PRKD1: variants seen among roughly 807,000 people sequenced by gnomAD.
The protein encoded by PRKD1 is serine/threonine-protein kinase D1.
In PRKD1, 63 loss-of-function variants were observed where a neutral mutation model predicts 95.9. The ratio of observed to expected loss-of-function variants is 0.66; its 90% CI spans 0.54 to 0.81. The LOEUF (loss-of-function observed/expected upper bound fraction) is 0.81. Among genes scored for constraint, PRKD1 ranks in the 30% least tolerant of loss-of-function variants. PRKD1 has a pLI of 0.00. For missense variants in PRKD1, 1,048 were observed against 1,165.3 expected, an observed-to-expected ratio of 0.90 and a Z score of 1.47; for synonymous variants, 425 against 423.1, an observed-to-expected ratio of 1.00 and a Z score of -0.05.
chr14:29,656,516 T>A, intron 4 of PRKD1: 1 of 1,535,164 alleles, frequency 6.5e-7, no homozygotes, highest in Non-Finnish European at 8.7e-7. Flanking sequence ...CATGAAGTTG[T>A]AAGAGCAAAA....
chr14:29,804,874 TA>T (rs1466645710), intron 1 of PRKD1, among the ~76,000 whole-genome samples: 2 of 152,158 alleles, frequency 1.3e-5, no homozygotes, highest in African/African-American at 4.8e-5. Context: ...CATTAATCGA[TA>T]ACAATTACAC....
At chr14:29,910,060 C>T (rs1392342905) in intron 1 of PRKD1, among the ~76,000 whole-genome samples, 1 of 152,128 alleles carries the variant, frequency 6.6e-6, no homozygotes, top group African/African-American at 2.4e-5. Flanking sequence ...GCTGGGGTCC[C>T]CTTCCACACT....
chr14:29,676,117 A>C (rs1594418270), intron 2 of PRKD1, among the ~76,000 whole-genome samples: 1 of 151,194 alleles, frequency 6.6e-6, no homozygotes, highest in Non-Finnish European at 1.5e-5. Flanking sequence ...TTAAAGTATA[A>C]TAAAAAATTT....
chr14:29,758,371 C>A (rs532350605), intron 1 of PRKD1, among the ~76,000 whole-genome samples: 1 of 152,034 alleles, frequency 6.6e-6, no homozygotes, highest in African/African-American at 2.4e-5. Flanking sequence ...GCGTTTTGAC[C>A]CAGGACACCC....
chr14:29,853,981 G>T (rs1050949536), intron 1 of PRKD1, among the ~76,000 whole-genome samples: 1 of 152,154 alleles, frequency 6.6e-6, no homozygotes, highest in East Asian at 1.9e-4. Context: ...ATGTAGAACT[G>T]TAAGTCCATT....
intron 1 of PRKD1, among the ~76,000 whole-genome samples, chr14:29,742,581 T>C (rs1415535295): frequency 6.6e-6 from 1 of 152,084 alleles, no homozygotes; most frequent in African/African-American, 2.4e-5. Flanking sequence ...AAATAGCAAG[T>C]TACACTTGAC....
At chr14:29,895,270 TCATGCCA>T (rs916123139) in intron 1 of PRKD1, among the ~76,000 whole-genome samples, 22 of 152,208 alleles carry the variant, frequency 1.4e-4, no homozygotes, top group African/African-American at 4.3e-4. Flanking sequence ...TGAGCCAAGA[TCATGCCA>T]CTGCACCCCA....
intron 1 of PRKD1, among the ~76,000 whole-genome samples, chr14:29,849,985 T>C (rs1892240652): frequency 6.6e-6 from 1 of 152,162 alleles, no homozygotes; most frequent in South Asian, 2.1e-4. Context: ...GAAAACGCTT[T>C]CGAGAGAGTG....
intron 2 of PRKD1, among the ~76,000 whole-genome samples, chr14:29,720,476 A>G (rs560651954): frequency 6.6e-6 from 1 of 152,200 alleles, no homozygotes; most frequent in South Asian, 2.1e-4. Context: ...ATTAAAAAAC[A>G]AACAAAAAAA....
At chr14:29,839,620 G>T (rs1367624200) in intron 1 of PRKD1, among the ~76,000 whole-genome samples, 1 of 152,108 alleles carries the variant, frequency 6.6e-6, no homozygotes, top group African/African-American at 2.4e-5. Flanking sequence ...TACAGCACTA[G>T]CAGAGGTTCT....
chr14:29,860,470 C>CA (rs1224037397), intron 1 of PRKD1, among the ~76,000 whole-genome samples: 1 of 152,032 alleles, frequency 6.6e-6, no homozygotes, highest in African/African-American at 2.4e-5. Context: ...ACCAGCTACT[C>CA]AGAGTTGCTG....
chr14:29,638,201 A>C, intron 6 of PRKD1: 1 of 365,502 alleles, frequency 2.7e-6, no homozygotes, highest in Non-Finnish European at 4.9e-6. Flanking sequence ...TTCTGGGCAA[A>C]CTAGGATAAG....
At chr14:29,682,785 G>A (rs920935948) in intron 2 of PRKD1, among the ~76,000 whole-genome samples, 1 of 152,204 alleles carries the variant, frequency 6.6e-6, no homozygotes, top group Non-Finnish European at 1.5e-5. Flanking sequence ...CTTCTCAGCT[G>A]AGTCTTGAAG....
chr14:29,775,181 C>T (rs138496172), intron 1 of PRKD1, among the ~76,000 whole-genome samples: 39 of 152,244 alleles, frequency 2.6e-4, no homozygotes, highest in East Asian at 9.7e-4. Context: ...CCAAGATGGC[C>T]GAATAGGAAC....
rs894645705 is a variant in PRKD1 at position 29,805,875 on chromosome 14, A to G, written c.265-80201T>C. 4.6e-5 allele frequency among the ~76,000 whole-genome samples: 7 copies of G among 152,240 alleles called. No homozygotes were observed. In the East Asian group the frequency reaches 1.3e-3, roughly 29 times the overall value. On this transcript the variant is annotated intron_variant, in intron 1 of 17. Transcript: ENST00000331968. ...TACTTGTAAGTTGCCAATGAAGGGG[A>G]ATATGCAATGAGGAGGAGAGAAGAA...
chr14:29,624,237 C>T lies in PRKD1; in HGVS notation c.1820G>A (p.Arg607Lys), dbSNP rs1879466499. 1 of 1,600,372 alleles carries T rather than the reference C, an allele frequency of 6.2e-7. No individual in the cohort carries two copies. The highest frequency in any genetic ancestry group is 1.7e-4 in the Middle Eastern group (1 of 6,016). The change falls in exon 13 of 18, where the codon AGA becomes AAA. Residue 607 changes from arginine (R) to lysine (K), a missense_variant. This residue lies in a region of PRKD1 where 739 missense variants were observed against 861.9 expected (regional missense o/e 0.86). Transcript: ENST00000331968. The stretch of plus-strand genomic sequence containing the variant: ...GTCAATGATTTTAATAGCTACATCT[C>T]TTCCTGTTTTACGATGTTTTCCTTT... ...VYGGKHRKTG[R>K]DVAIKIIDKL...
At chr14:29,868,919 T>C (rs1041731494) in intron 1 of PRKD1, among the ~76,000 whole-genome samples, 4 of 152,164 alleles carry the variant, frequency 2.6e-5, no homozygotes, top group Non-Finnish European at 5.9e-5. Context: ...ATATAATTTA[T>C]ATCTCTAGTA....
intron 2 of PRKD1, among the ~76,000 whole-genome samples, chr14:29,715,559 G>A (rs1885564992): frequency 6.6e-6 from 1 of 151,996 alleles, no homozygotes; most frequent in Non-Finnish European, 1.5e-5. Flanking sequence ...GTAACAAATA[G>A]ACAAAATAAA....
chr14:29,644,846 T>C (rs1881023846), intron 4 of PRKD1, among the ~76,000 whole-genome samples: 1 of 152,126 alleles, frequency 6.6e-6, no homozygotes, highest in South Asian at 2.1e-4. Flanking sequence ...TTTACATAAA[T>C]ATCATTTATT....
Sources: allele counts gnomAD v4.1 joint callset (sites outside exome capture counted in the v4.1 genomes callset), GRCh38; gene constraint gnomAD v4.1.1; regional missense constraint gnomAD v4.1.1; transcripts MANE v1.5; gene names NCBI Gene and HGNC (gene_info 2026-07-23, HGNC 2026-07-21).